The following GALNT10 variants were observed in gnomAD, a reference collection of about 807,000 sequenced individuals.
The protein encoded by GALNT10 is polypeptide N-acetylgalactosaminyltransferase 10.
Under a neutral mutation model 75.0 loss-of-function variants are expected in GALNT10, and 41 were observed. The ratio of observed to expected loss-of-function variants is 0.55; its 90% CI spans 0.43 to 0.71. The LOEUF is 0.71. Among genes scored for constraint, GALNT10 ranks in the 30% least tolerant of loss-of-function variants. The pLI is 0.00. For missense variants in GALNT10, 727 were observed against 818.5 expected, an observed-to-expected ratio of 0.89 and a Z score of 1.36; for synonymous variants, 302 against 313.0, an observed-to-expected ratio of 0.96 and a Z score of 0.37.
chr5:154,329,583 A>G lies in GALNT10; in HGVS notation c.413A>G (p.Lys138Arg). 1.2e-6 allele frequency: 2 copies of G among 1,613,842 alleles called. No homozygotes were observed. Among genetic ancestry groups the G allele is most frequent in the Non-Finnish European group, 1.7e-6 (2 of 1,179,768 alleles). ...ATGTTTCCCTCTAGCTGCAACAGCA[A>G]GCGCTACCTGGAGACACTTCCCAAC... The part of the protein sequence containing the change: ...PDIRHPNCNS[K>R]RYLETLPNTS... Residue 138 changes from lysine to arginine, a missense_variant, in exon 4 of 12, where the codon AAG becomes AGG. Coordinates refer to ENST00000297107, the MANE Select transcript of GALNT10 (RefSeq NM_198321.4).
At chr5:154,396,420 G>A (rs890519586) in intron 7 of GALNT10, among the ~76,000 whole-genome samples, 1 of 152,196 alleles carries the variant, frequency 6.6e-6, no homozygotes, top group Non-Finnish European at 1.5e-5. Context: ...CAAGCCAAGG[G>A]TGACCCCTTT....
intron 1 of GALNT10, among the ~76,000 whole-genome samples, chr5:154,195,379 C>T (rs1015383853): frequency 6.6e-6 from 1 of 152,196 alleles, no homozygotes; most frequent in African/African-American, 2.4e-5. Flanking sequence ...CTCCAGAGAA[C>T]CTTTCTCCTC....
chr5:154,411,356 C>G (rs1459389605), intron 9 of GALNT10, among the ~76,000 whole-genome samples: 1 of 152,134 alleles, frequency 6.6e-6, no homozygotes, highest in African/African-American at 2.4e-5. Flanking sequence ...GCTTGGCCAA[C>G]CCAGCAGAAA....
Position 154,190,765 on chromosome 5 carries a change from C to A in GALNT10, c.-102C>A. 1 of 441,984 alleles carries A rather than the reference C, an allele frequency of 2.3e-6. No homozygotes were observed. 27.4% of individuals were successfully genotyped at this position (441,984 alleles called of 1,614,324 possible). A position where few individuals can be genotyped will look rare whatever the true frequency, so the allele number is the denominator to read the frequency against. On this transcript the variant is annotated 5_prime_UTR_variant, in exon 1 of 12. In the 5' UTR this introduces an upstream ATG that the reference lacks. Transcript: ENST00000297107. ...AGCGGGGCCGGCGCCGCAGCCGCTTCTGCTGGCTGAGCTGCTGCCGCCGCC... is the reference window on the plus strand; with the variant it reads ...AGCGGGGCCGGCGCCGCAGCCGCTTATGCTGGCTGAGCTGCTGCCGCCGCC...
At chr5:154,357,339 T>C (rs1755311935) in intron 4 of GALNT10, among the ~76,000 whole-genome samples, 1 of 152,162 alleles carries the variant, frequency 6.6e-6, no homozygotes. Context: ...TATAGGTATG[T>C]ATGTGGATTT....
intron 1 of GALNT10, among the ~76,000 whole-genome samples, chr5:154,259,483 T>C (rs514699): frequency 0.24 from 37,203 of 152,166 alleles, 5,534 homozygotes; most frequent in African/African-American, 0.42. Context: ...GTATCTTTTT[T>C]GGAGGTGCTT....
intron 3 of GALNT10, among the ~76,000 whole-genome samples, chr5:154,328,257 T>C (rs1450619632): frequency 6.6e-6 from 1 of 152,040 alleles, no homozygotes; most frequent in Admixed American, 6.6e-5. Context: ...TAAGGAACAA[T>C]GTTAATTCTT....
At position 154,369,397 on chromosome 5, in the gene GALNT10, C is replaced by CA. The variant is rs200232429; in HGVS notation, c.569-6872dup. ...AGTGAGACCTCGTCTCAAAAACAAA[C>CA]AAAAAAAACCCCAAAAAGAATGAAA... On this transcript the variant is annotated intron_variant, in intron 4 of 11. Transcript: ENST00000297107. Among the ~76,000 whole-genome samples the CA allele has an allele frequency of 1.3e-3, 197 of 151,508 alleles. 1 individual carries two copies. The East Asian group carries it at 0.024, about 18-fold the overall frequency.
intron 1 of GALNT10, among the ~76,000 whole-genome samples, chr5:154,251,824 G>T (rs1356920567): frequency 1.3e-5 from 2 of 152,048 alleles, no homozygotes; most frequent in East Asian, 3.8e-4. Flanking sequence ...CCACAAATTG[G>T]GCATTAGGAA....
intron 1 of GALNT10, chr5:154,287,477 ACT>A (rs1754128535): frequency 6.6e-6 from 1 of 151,972 alleles, no homozygotes; most frequent in African/African-American, 2.4e-5. Flanking sequence ...CCTGTCAAAG[ACT>A]CTGCTTCTGC....
intron 1 of GALNT10, chr5:154,287,333 C>T (rs1754125939): frequency 6.6e-6 from 1 of 152,216 alleles, no homozygotes; most frequent in Non-Finnish European, 1.5e-5. Context: ...AATCAGGCTC[C>T]TTGCCCTTAA....
intron 3 of GALNT10, among the ~76,000 whole-genome samples, chr5:154,306,515 ATG>A (rs1754435267): frequency 6.6e-6 from 1 of 152,332 alleles, no homozygotes; most frequent in African/African-American, 2.4e-5. Flanking sequence ...AATTTGTGGA[ATG>A]TCACTAAACT....
At position 154,294,934 on chromosome 5, in the gene GALNT10, T is replaced by C. The variant is rs766432797; in HGVS notation, c.262+16T>C. ...CAGCGCGTAGGTACGGAGGGCAGGA[T>C]TGGCCATGGGTGGGCTCTGTGAAGG... is the stretch of plus-strand genomic sequence containing the variant. On this transcript the variant is annotated intron_variant, in intron 2 of 11. Transcript: ENST00000297107. 3 of 1,281,304 alleles carry C rather than the reference T, an allele frequency of 2.3e-6. No homozygotes were observed. The highest frequency in any genetic ancestry group is 3.4e-6 in the Non-Finnish European group (3 of 876,004). 79.4% of individuals were successfully genotyped at this position (1,281,304 alleles called of 1,614,324 possible).
chr5:154,229,405 T>C (rs989649960), intron 1 of GALNT10, among the ~76,000 whole-genome samples: 1 of 152,222 alleles, frequency 6.6e-6, no homozygotes, highest in Admixed American at 6.5e-5. Flanking sequence ...ATTATTTGTA[T>C]GACTATTGAT....
intron 7 of GALNT10, chr5:154,386,755 A>G (rs1465950629): frequency 2.7e-5 from 14 of 525,066 alleles, no homozygotes; most frequent in Non-Finnish European, 4.0e-5. Context: ...TGAGATGTCC[A>G]GCAAATAAGC....
At chr5:154,369,368 A>G (rs1755528612) in intron 4 of GALNT10, among the ~76,000 whole-genome samples, 1 of 152,190 alleles carries the variant, frequency 6.6e-6, no homozygotes, top group Non-Finnish European at 1.5e-5. Flanking sequence ...AGCCTGGGTG[A>G]CAAAGTGAGA....
chr5:154,244,114 C>T (rs555015030), intron 1 of GALNT10, among the ~76,000 whole-genome samples: 4 of 152,294 alleles, frequency 2.6e-5, no homozygotes, highest in South Asian at 2.1e-4. Context: ...CCGCAACCTG[C>T]AAGGGATGAG....
At chr5:154,393,907 T>C (rs894600477) in intron 7 of GALNT10, among the ~76,000 whole-genome samples, 2 of 152,056 alleles carry the variant, frequency 1.3e-5, no homozygotes, top group Non-Finnish European at 2.9e-5. Flanking sequence ...CCCCCATCCA[T>C]ATACATTCCA....
At chr5:154,395,551 G>A (rs1468214008) in intron 7 of GALNT10, among the ~76,000 whole-genome samples, 2 of 152,178 alleles carry the variant, frequency 1.3e-5, no homozygotes, top group Non-Finnish European at 2.9e-5. Context: ...TATTGTGATC[G>A]GGCTGTGGTT....
Sources: gnomAD v4.1 joint callset for allele counts (sites outside exome capture counted in the v4.1 genomes callset) on GRCh38, gnomAD v4.1.1 for gene constraint, MANE v1.5 for transcripts, NCBI Gene and HGNC (gene_info 2026-07-23, HGNC 2026-07-21) for gene names.